Variants in METTL9 observed in about 807,000 individuals in gnomAD.
METTL9 encodes methyltransferase 9, His-X-His N1(pi)-histidine, also known as protein-L-histidine N-pros-methyltransferase.
A neutral mutation model predicts 36.0 loss-of-function variants in METTL9; 10 were observed. The ratio of observed to expected loss-of-function variants is 0.28; its 90% CI spans 0.17 to 0.47. The LOEUF is 0.47. Ranked by LOEUF, METTL9 falls within the 20% of genes least tolerant of loss-of-function variation. The pLI, the probability that METTL9 is intolerant of heterozygous loss-of-function variation, is 0.99. For missense variants in METTL9, 246 were observed against 383.5 expected (o/e 0.64, Z 3.00); for synonymous variants, 175 against 149.7 (o/e 1.17, Z -1.23).
intron 1 of METTL9, among the ~76,000 whole-genome samples, chr16:21,610,050 G>A (rs1048307840): frequency 6.6e-6 from 1 of 152,044 alleles, no homozygotes; most frequent in Non-Finnish European, 1.5e-5. Flanking sequence ...TTGATTTTTA[G>A]TATAATCACA....
chr16:21,622,141 CTT>C lies in METTL9; in HGVS notation c.567-2770_567-2769del, dbSNP rs541282506. Among the ~76,000 whole-genome samples, 64 of 34,930 alleles carry C rather than the reference CTT, an allele frequency of 1.8e-3. 1 individual carries two copies. The highest frequency in any genetic ancestry group is 0.011 in the East Asian group (14 of 1,226). The allele number at this position is 34,930 out of a possible 152,430, so 22.9% of individuals were successfully genotyped here. A position where few individuals can be genotyped will look rare whatever the true frequency, so the allele number is the denominator to read the frequency against. On this transcript the variant is annotated intron_variant, in intron 3 of 4. Coordinates refer to ENST00000358154, the MANE Select transcript of METTL9 (RefSeq NM_016025.5). ...ATAGGTGTGAGCCACCATGCCTGGC[CTT>C]TTTTTTTTTTTTTTTTTTTGAGACA...
Position 21,599,867 on chromosome 16 carries a change from C to T in METTL9, c.134C>T (p.Ala45Val), listed in dbSNP as rs1391091668. 2.7e-6 allele frequency: 4 copies of T among 1,479,484 alleles called. No homozygotes were observed. The highest frequency in any genetic ancestry group is 1.5e-5 in the African/African-American group (1 of 68,804). 91.6% of individuals were successfully genotyped at this position (1,479,484 alleles called of 1,614,324 possible). Residue 45 changes from alanine to valine, a missense_variant, in exon 1 of 5, where the codon GCG becomes GTG. Transcript: ENST00000358154. This position sits in a 1 kb window ranked among gnomAD's most constrained non-coding sequence, Gnocchi z 4.4. ...ACTAGCGGCCCGGGTGGGCCGGCGGCGGCCGCGGGCGGCAGGAAGGAGAAC... is the reference window on the plus strand; with the variant it reads ...ACTAGCGGCCCGGGTGGGCCGGCGGTGGCCGCGGGCGGCAGGAAGGAGAAC... ...NMTSGPGGPA[A>V]AAGGRKENHQ...
At chr16:21,599,459 G>A, upstream of METTL9, 4 of 1,156,454 alleles carry the variant, frequency 3.5e-6, no homozygotes, top group Non-Finnish European at 4.3e-6. This position sits in a 1 kb window ranked among gnomAD's most constrained non-coding sequence, Gnocchi z 4.4. Flanking sequence ...GGAGGGCGCC[G>A]GGGGAGAAAG....
At chr16:21,608,687 G>A (rs1031647889) in intron 1 of METTL9, among the ~76,000 whole-genome samples, 1 of 152,158 alleles carries the variant, frequency 6.6e-6, no homozygotes, top group African/African-American at 2.4e-5. Flanking sequence ...ATAGGCACTA[G>A]GAATGCTGCT....
chr16:21,603,741 T>C (rs1249800973), intron 1 of METTL9, among the ~76,000 whole-genome samples: 1 of 152,116 alleles, frequency 6.6e-6, no homozygotes, highest in South Asian at 2.1e-4. Flanking sequence ...AAAATTGTTA[T>C]AGAACTCGCT....
chr16:21,621,471 G>A (rs1050006301), intron 3 of METTL9, among the ~76,000 whole-genome samples: 4 of 152,020 alleles, frequency 2.6e-5, no homozygotes, highest in Non-Finnish European at 5.9e-5. Flanking sequence ...GATTACAGGC[G>A]CATGCCGCCA....
intron 4 of METTL9, among the ~76,000 whole-genome samples, chr16:21,629,750 CT>C (rs1965902714): frequency 1.3e-5 from 2 of 152,316 alleles, no homozygotes; most frequent in Admixed American, 1.3e-4. Flanking sequence ...GTTGGTGCTG[CT>C]GGCTTGGGTG....
At chr16:21,652,582 C>T (rs1269295872) in intron 4 of METTL9, 2 of 1,610,428 alleles carry the variant, frequency 1.2e-6, no homozygotes, top group African/African-American at 2.7e-5. Context: ...GATGTTGCTT[C>T]TGCTCGCAGT....
chr16:21,649,708 C>T (rs1266069447), intron 4 of METTL9, among the ~76,000 whole-genome samples: 1 of 151,964 alleles, frequency 6.6e-6, no homozygotes, highest in Admixed American at 6.6e-5. Context: ...CCATTATTTA[C>T]ACATTTTTAT....
chr16:21,648,107 C>G (rs1966477343), intron 4 of METTL9, among the ~76,000 whole-genome samples: 2 of 152,154 alleles, frequency 1.3e-5, no homozygotes, highest in South Asian at 4.1e-4. Context: ...CTGGCTTAGC[C>G]TACCATGTCT....
At chr16:21,640,050 G>A (rs1966208152) in intron 4 of METTL9, 1 of 152,042 alleles carries the variant, frequency 6.6e-6, no homozygotes, top group Admixed American at 6.5e-5. Flanking sequence ...GTGATCTCCT[G>A]CCTCAGCCTC....
intron 1 of METTL9, among the ~76,000 whole-genome samples, chr16:21,602,446 A>T (rs999942623): frequency 2.6e-5 from 4 of 152,136 alleles, no homozygotes; most frequent in African/African-American, 9.7e-5. Context: ...CAAAACTGGG[A>T]TTATGTTTCA....
intron 4 of METTL9, among the ~76,000 whole-genome samples, chr16:21,646,153 T>TC (rs1555492888): frequency 4.7e-5 from 3 of 64,470 alleles, no homozygotes; most frequent in African/African-American, 1.4e-4. Flanking sequence ...TCTCTGAAAT[T>TC]CCCCCTTTTT....
intron 4 of METTL9, chr16:21,641,081 C>T (rs1966251737): frequency 6.5e-6 from 1 of 152,852 alleles, no homozygotes; most frequent in African/African-American, 2.4e-5. Context: ...GAGGAAATAA[C>T]TTTACTAAGG....
At chr16:21,622,439 T>G (rs1965727635) in intron 3 of METTL9, among the ~76,000 whole-genome samples, 1 of 152,108 alleles carries the variant, frequency 6.6e-6, no homozygotes, top group Non-Finnish European at 1.5e-5. Flanking sequence ...CTGACTGCTT[T>G]ATCATTCTCT....
In METTL9 at chr16:21,631,497, G is replaced by A. The variant is rs1299696327; in HGVS notation, c.751+6382G>A. 2.6e-5 allele frequency among the ~76,000 whole-genome samples: 4 copies of A among 152,186 alleles called. No individual in the cohort carries two copies. The East Asian group carries it at 5.8e-4, about 22-fold the overall frequency. ...CTGAGTGCAAACAGCTTGCAAGTTT[G>A]AGCAGACCAATTATTAGGCAATTTT... On this transcript the variant is annotated intron_variant, in intron 4 of 4. Coordinates refer to ENST00000358154, the MANE Select transcript of METTL9 (RefSeq NM_016025.5).
chr16:21,597,335 A>G, upstream of METTL9: 1 of 1,261,710 alleles, frequency 7.9e-7, no homozygotes, highest in Non-Finnish European at 1.0e-6. Context: ...ACCTTCAGGC[A>G]AATCATTTGA....
intron 4 of METTL9, among the ~76,000 whole-genome samples, chr16:21,634,300 G>A (rs904160871): frequency 2.6e-5 from 4 of 152,048 alleles, no homozygotes; most frequent in African/African-American, 2.4e-5. Context: ...CGCTTGCCCC[G>A]GGCACCCTCA....
intron 4 of METTL9, among the ~76,000 whole-genome samples, chr16:21,626,237 G>T (rs901927962): frequency 6.6e-6 from 1 of 152,076 alleles, no homozygotes; most frequent in African/African-American, 2.4e-5. Context: ...TCACTGCCTC[G>T]ATTGACCTTG....
Sources: allele counts gnomAD v4.1 joint callset (sites outside exome capture counted in the v4.1 genomes callset), GRCh38; gene constraint gnomAD v4.1.1; non-coding constraint Gnocchi (gnomAD v3.1); transcripts MANE v1.5; gene names NCBI Gene and HGNC (gene_info 2026-07-23, HGNC 2026-07-21).